The following LMLN variants were observed in gnomAD, a reference collection of about 807,000 sequenced individuals.
LMLN encodes the protein leishmanolysin like peptidase.
LMLN carries 70 observed loss-of-function variants against 92.3 expected under a neutral mutation model. The ratio of observed to expected loss-of-function variants is 0.76; its 90% CI spans 0.63 to 0.92. LMLN has a LOEUF of 0.92. Among genes scored for constraint, LMLN ranks in the 40% least tolerant of loss-of-function variants. The pLI is 0.00. For synonymous variants in LMLN, 308 were observed against 296.2 expected (o/e 1.04, Z -0.41); for missense variants, 691 against 814.6 (o/e 0.85, Z 1.85).
At chr3:198,024,598 A>G (rs1581178439) in intron 13 of LMLN, 60 bp from the exon 15 acceptor site, 3 of 1,393,438 alleles carry the variant, frequency 2.2e-6, no homozygotes, top group East Asian at 5.0e-5. Flanking sequence ...GGAATGGTTC[A>G]GTTTCTTGTT....
intron 15 of LMLN, among the ~76,000 whole-genome samples, chr3:198,037,275 T>C (rs986842599): frequency 1.3e-5 from 2 of 152,226 alleles, no homozygotes; most frequent in African/African-American, 2.4e-5. Context: ...CCTCCTTGCA[T>C]GCAGAACTTT....
chr3:197,962,180 T>A (rs539378264), intron 1 of LMLN, among the ~76,000 whole-genome samples: 10 of 152,220 alleles, frequency 6.6e-5, no homozygotes, highest in South Asian at 2.1e-4. Flanking sequence ...GTTTTTTTTT[T>A]AAATACTAGA....
intron 1 of LMLN, among the ~76,000 whole-genome samples, chr3:197,965,696 T>G (rs1195205090): frequency 1.3e-5 from 2 of 152,188 alleles, no homozygotes; most frequent in Non-Finnish European, 2.9e-5. Flanking sequence ...GGCAAATCGC[T>G]TGAGCTCAGG....
intron 5 of LMLN, among the ~76,000 whole-genome samples, chr3:197,978,639 AAAT>A (rs1449108912): frequency 6.6e-6 from 1 of 152,118 alleles, no homozygotes; most frequent in Non-Finnish European, 1.5e-5. Context: ...CCTGTCTCAA[AAAT>A]AATTAGATAA....
At chr3:197,986,458 G>GA (rs1199164589) in intron 8 of LMLN, among the ~76,000 whole-genome samples, 1 of 151,398 alleles carries the variant, frequency 6.6e-6, no homozygotes, top group Admixed American at 6.6e-5. Flanking sequence ...ACTGTCTCAA[G>GA]AAAAAAAAGA....
intron 11 of LMLN, among the ~76,000 whole-genome samples, chr3:198,017,682 G>A (rs1237140232): frequency 1.3e-5 from 2 of 152,296 alleles, no homozygotes; most frequent in East Asian, 3.9e-4. Flanking sequence ...ACTTTGGGAG[G>A]CAGAGGTGGG....
intron 9 of LMLN, among the ~76,000 whole-genome samples, chr3:197,993,534 A>C (rs757695256): frequency 2.0e-5 from 3 of 152,162 alleles, no homozygotes; most frequent in Non-Finnish European, 4.4e-5. Context: ...CTTAGGAATA[A>C]ATTTAACCAG....
chr3:197,990,620 C>T lies in LMLN; in HGVS notation c.991C>T (p.Arg331Ter), dbSNP rs371384895. The T allele has an allele frequency of 2.1e-5, 34 of 1,604,688 alleles. No homozygotes were observed. The highest frequency in any genetic ancestry group is 2.6e-5 in the Non-Finnish European group (31 of 1,171,864). Residue 331 changes from arginine to a stop codon, truncating the protein, a stop_gained, in exon 9 of 16, where the codon CGA becomes TGA. Coordinates refer to ENST00000330198, the Ensembl canonical transcript of LMLN. LOFTEE classifies it high-confidence loss of function. ...AAAAGTGGAGAGATTATGGGATGTTCGAGATAATAAGATAGTTCGTCACAC... is the reference window on the plus strand; with the variant it reads ...AAAAGTGGAGAGATTATGGGATGTTTGAGATAATAAGATAGTTCGTCACAC...
Position 198,019,899 on chromosome 3 carries a change from C to T in LMLN, c.1365+514C>T, listed in dbSNP as rs144044807. Among the ~76,000 whole-genome samples the T allele has an allele frequency of 0.013, 1,998 of 152,198 alleles. 45 individuals carry two copies. The highest frequency in any genetic ancestry group is 0.045 in the African/African-American group (1,849 of 41,516). ...TTTCCGAGACCGAGTCTCACTCTGT[C>T]GCCCAGGCTGGAGTGCAGTGGTGAG... On this transcript the variant is annotated intron_variant, in intron 12 of 15. Transcript: ENST00000330198. The surrounding 1 kb of genome is among the most constrained non-coding windows in gnomAD (Gnocchi z 5.5).
At chr3:197,967,627 T>G (rs1310235317) in intron 1 of LMLN, among the ~76,000 whole-genome samples, 2 of 152,222 alleles carry the variant, frequency 1.3e-5, no homozygotes, top group Non-Finnish European at 2.9e-5. Flanking sequence ...CGTATTGTCT[T>G]GATAAACATC....
chr3:197,985,857 G>C, exon 8 of LMLN: 1 of 1,612,942 alleles, frequency 6.2e-7, no homozygotes, highest in Non-Finnish European at 8.5e-7. Context: ...CTCACTTCAA[G>C]ATTTGCAGAT....
At chr3:198,014,703 A>C (rs1465255248) in intron 11 of LMLN, among the ~76,000 whole-genome samples, 2 of 138,286 alleles carry the variant, frequency 1.4e-5, no homozygotes, top group African/African-American at 2.8e-5. Flanking sequence ...GAGCCCCCTA[A>C]CTAGTCTGAC....
intron 11 of LMLN, among the ~76,000 whole-genome samples, chr3:198,013,989 G>T (rs555673892): frequency 1.5e-5 from 2 of 137,442 alleles, no homozygotes; most frequent in South Asian, 4.6e-4. Context: ...CCACCCTTTA[G>T]AGCCCCCTAA....
chr3:197,984,067 G>T lies in LMLN; in HGVS notation c.834+19G>T, dbSNP rs1325553537. 1 of 1,481,666 alleles carries T rather than the reference G, an allele frequency of 6.7e-7. No individual in the cohort carries two copies. Among genetic ancestry groups the T allele is most frequent in the South Asian group, 1.1e-5 (1 of 88,114 alleles). The allele number at this position is 1,481,666 out of a possible 1,614,324, so 91.8% of individuals were successfully genotyped here. A position where few individuals can be genotyped will look rare whatever the true frequency, so the allele number is the denominator to read the frequency against. ...TGCCCTGGTAAATTCTAGCCTTACTGTTCTTTCCTTCATGCCTTGATTTTC... is the reference window on the plus strand; with the variant it reads ...TGCCCTGGTAAATTCTAGCCTTACTTTTCTTTCCTTCATGCCTTGATTTTC... On this transcript the variant is annotated intron_variant, in intron 7 of 15. Transcript: ENST00000330198.
chr3:197,996,250 G>A, exon 10 of LMLN: 1 of 1,602,766 alleles, frequency 6.2e-7, no homozygotes, highest in Non-Finnish European at 8.5e-7. Context: ...TGTGGGCACT[G>A]AGCTCAACCA....
At chr3:198,001,302 G>A (rs745588212) in intron 11 of LMLN, among the ~76,000 whole-genome samples, 5 of 152,090 alleles carry the variant, frequency 3.3e-5, no homozygotes, top group South Asian at 2.1e-4. Context: ...CCTACCATGC[G>A]ACAAATGCTT....
chr3:198,020,766 G>GTTTGTTGTT (rs1260852398), intron 12 of LMLN, among the ~76,000 whole-genome samples: 1 of 25,644 alleles, frequency 3.9e-5, no homozygotes, highest in African/African-American at 1.8e-4. Context: ...GCTAATTTTT[G>GTTTGTTGTT]TATTTTTTTT....
chr3:197,975,126 G>C, intron 3 of LMLN, 54 bp downstream of exon 3: 1 of 987,800 alleles, frequency 1.0e-6, no homozygotes, highest in East Asian at 2.4e-5. Context: ...TTATTGCATG[G>C]AAATTCTACT....
rs1457749490 is a variant in LMLN, at chr3:198,031,592, C to T, written c.1657-4241C>T. 6.6e-6 allele frequency among the ~76,000 whole-genome samples: 1 copy of T among 152,130 alleles called. No individual in the cohort carries two copies. The highest frequency in any genetic ancestry group is 6.6e-5 in the Admixed American group (1 of 15,266). ...GGAAAAAAAGAAAGAAAATTATTTT[C>T]CATCAGAATTCTGAAAGCATTTTTC... On this transcript the variant is annotated intron_variant, in intron 14 of 15. Coordinates refer to ENST00000330198, the Ensembl canonical transcript of LMLN. The surrounding 1 kb of genome is among the most constrained non-coding windows in gnomAD (Gnocchi z 4.8).
Sources: allele counts gnomAD v4.1 joint callset (sites outside exome capture counted in the v4.1 genomes callset), GRCh38; gene constraint gnomAD v4.1.1; non-coding constraint Gnocchi (gnomAD v3.1); transcripts MANE v1.5; gene names NCBI Gene and HGNC (gene_info 2026-07-23, HGNC 2026-07-21).